The following ERAP1 variants were observed in gnomAD, a reference collection of about 807,000 sequenced individuals.
ERAP1 encodes the protein adipocyte-derived leucine aminopeptidase.
A neutral mutation model predicts 103.7 loss-of-function variants in ERAP1; 86 were observed. The ratio of observed to expected loss-of-function variants is 0.83; its 90% CI spans 0.70 to 0.99. ERAP1 has a LOEUF of 0.99. ERAP1 is among the 50% of genes least tolerant of loss of function. The probability of loss-of-function intolerance (pLI) is 0.00; values close to 1 mark genes in which losing one functional copy is unlikely to be tolerated. For synonymous variants in ERAP1, 398 were observed against 402.4 expected (o/e 0.99, Z 0.13); for missense variants, 1,009 against 1,128.4 (o/e 0.89, Z 1.52).
At chr5:96,807,014 T>G (rs1010646506) in intron 1 of ERAP1, among the ~76,000 whole-genome samples, 5 of 152,206 alleles carry the variant, frequency 3.3e-5, no homozygotes, top group African/African-American at 1.2e-4. Context: ...GACCACGTCC[T>G]GAGTTCAGAG....
In ERAP1 at chr5:96,776,101, T is replaced by G. The variant is rs112855255; in HGVS notation, c.*295A>C. 151,524 of 1,332,518 alleles carry G rather than the reference T, an allele frequency of 0.11. 9,453 individuals are homozygous for G. Among genetic ancestry groups the G allele is most frequent in the Non-Finnish European group, 0.13 (128,574 of 1,020,588 alleles). The allele number at this position is 1,332,518 out of a possible 1,614,324, so 82.5% of individuals were successfully genotyped here. On this transcript the variant is annotated 3_prime_UTR_variant, in exon 19 of 19. Transcript: ENST00000443439. ...TGGGGTACAGGGTTTTGGACACGGG[T>G]GCTTAAGCATAAACTATAAAATGAG...
chr5:96,851,366 C>T, the ERAP1 span, among the ~76,000 whole-genome samples: 1 of 152,082 alleles, frequency 6.6e-6, no homozygotes, highest in South Asian at 2.1e-4. Flanking sequence ...AAAGGATGAG[C>T]AGAGACATCA....
the ERAP1 span, among the ~76,000 whole-genome samples, chr5:96,897,855 G>A: frequency 6.6e-6 from 1 of 152,174 alleles, no homozygotes; most frequent in East Asian, 1.9e-4. Flanking sequence ...TGTGTCCCAG[G>A]GACAGTAATA....
chr5:96,775,298 C>G lies in ERAP1; in HGVS notation c.*1098G>C, dbSNP rs975657199. Reference sequence around the variant, plus strand: ...AAAGACTTCAAAGCCAAAGAATGTCCTATTTGCTAATATGAGCAAATATTT... The same window carrying G: ...AAAGACTTCAAAGCCAAAGAATGTCGTATTTGCTAATATGAGCAAATATTT... On this transcript the variant is annotated 3_prime_UTR_variant, in exon 19 of 19. Coordinates refer to ENST00000443439, the MANE Select transcript of ERAP1 (RefSeq NM_001040458.3). 32 of 985,212 alleles carry G rather than the reference C, an allele frequency of 3.2e-5. No homozygotes were observed. In the African/African-American group the frequency reaches 5.2e-4, roughly 16 times the overall value. The allele number at this position is 985,212 out of a possible 1,614,324, so 61.0% of individuals were successfully genotyped here. A position where few individuals can be genotyped will look rare whatever the true frequency, so the allele number is the denominator to read the frequency against.
At chr5:96,846,793 T>TA in the ERAP1 span, among the ~76,000 whole-genome samples, 21 of 150,932 alleles carry the variant, frequency 1.4e-4, no homozygotes, top group Admixed American at 3.3e-4. Flanking sequence ...GAAGCCATGG[T>TA]AAAAAAAATG....
At chr5:96,837,119 A>C in the ERAP1 span, among the ~76,000 whole-genome samples, 1 of 152,224 alleles carries the variant, frequency 6.6e-6, no homozygotes, top group African/African-American at 2.4e-5. Context: ...TCATCTTTTT[A>C]GTGTAGATAT....
chr5:96,836,412 G>C, the ERAP1 span, among the ~76,000 whole-genome samples: 1 of 152,008 alleles, frequency 6.6e-6, no homozygotes, highest in Admixed American at 6.5e-5. Context: ...ATGTTGGCCA[G>C]GCTGGTCTCG....
At chr5:96,837,439 G>A in the ERAP1 span, among the ~76,000 whole-genome samples, 1 of 152,198 alleles carries the variant, frequency 6.6e-6, no homozygotes, top group Non-Finnish European at 1.5e-5. Context: ...GAGTGCACGG[G>A]CGCTGGACCC....
At chr5:96,789,227 C>A (rs113365723) in intron 10 of ERAP1, among the ~76,000 whole-genome samples, 2,759 of 152,336 alleles carry the variant, frequency 0.018, 26 homozygotes, top group South Asian at 0.027. Flanking sequence ...TGGCTCATGC[C>A]TGTAATCCTA....
chr5:96,910,467 TA>T, the ERAP1 span, among the ~76,000 whole-genome samples: 1 of 150,954 alleles, frequency 6.6e-6, no homozygotes, highest in Non-Finnish European at 1.5e-5. Context: ...AAAAAAAACT[TA>T]AAAAAAAACC....
Position 96,781,127 on chromosome 5 carries a change from C to A in ERAP1, c.2519G>T (p.Gly840Val). ...CAGTGGGTATCCTACTGGGTTCCTG[C>A]CAATGAGTGTAAGAATTTGTGGAAA... The part of the protein sequence containing the change: ...QEFPQILTLI[G>V]RNPVGYPLAW... Residue 840 changes from glycine to valine, a missense_variant, in exon 17 of 19, where the codon GGC (glycine) becomes GTC (valine). By Grantham distance (109) the Gly-to-Val change is moderately radical. Transcript: ENST00000443439. 6.2e-7 allele frequency: 1 copy of A among 1,613,232 alleles called. No homozygotes were observed. Among genetic ancestry groups the A allele is most frequent in the Non-Finnish European group, 8.5e-7 (1 of 1,179,768 alleles).
the ERAP1 span, among the ~76,000 whole-genome samples, chr5:96,884,316 T>A: frequency 6.6e-6 from 1 of 152,172 alleles, no homozygotes; most frequent in Non-Finnish European, 1.5e-5. Context: ...CAGATTCTGA[T>A]TCAAGAAGAG....
the ERAP1 span, among the ~76,000 whole-genome samples, chr5:96,860,111 G>A: frequency 6.6e-6 from 1 of 152,048 alleles, no homozygotes; most frequent in Non-Finnish European, 1.5e-5. Flanking sequence ...GACCAGGCTG[G>A]AGCACAGTGG....
the ERAP1 span, among the ~76,000 whole-genome samples, chr5:96,822,083 G>T: frequency 1.3e-5 from 2 of 152,104 alleles, no homozygotes; most frequent in African/African-American, 2.4e-5. Context: ...GTTATCTCCC[G>T]CCATTCCTCT....
At chr5:96,923,824 AC>A in the ERAP1 span, among the ~76,000 whole-genome samples, 1 of 152,124 alleles carries the variant, frequency 6.6e-6, no homozygotes, top group African/African-American at 2.4e-5. Context: ...TTACATTGTA[AC>A]TCACTAGTCA....
chr5:96,910,981 T>C, the ERAP1 span, among the ~76,000 whole-genome samples: 1 of 152,202 alleles, frequency 6.6e-6, no homozygotes, highest in East Asian at 1.9e-4. Context: ...TTCAGCAAAA[T>C]ACACTAAAAT....
At chr5:96,921,984 A>G in the ERAP1 span, among the ~76,000 whole-genome samples, 2 of 152,256 alleles carry the variant, frequency 1.3e-5, no homozygotes, top group African/African-American at 4.8e-5. Context: ...TCTCAGTTTT[A>G]AAACTGTATT....
In ERAP1 at chr5:96,783,938, C is replaced by G; in HGVS notation, c.2086G>C (p.Glu696Gln). Reference sequence around the variant, plus strand: ...CAGGCTTTTACCTTGAATTGAGTTTCCACTTCATTCATATCTCTTTTCTCC... The same window carrying G: ...CAGGCTTTTACCTTGAATTGAGTTTGCACTTCATTCATATCTCTTTTCTCC... ...LMEKRDMNEV[E>Q]TQFKAFLIRL... The change falls in exon 14 of 19, where the codon GAA (glutamate) becomes CAA (glutamine). Residue 696 changes from glutamate (E) to glutamine (Q), a missense_variant. Transcript: ENST00000443439. 6.2e-7 allele frequency: 1 copy of G among 1,612,624 alleles called. No individual in the cohort carries two copies. Among genetic ancestry groups the G allele is most frequent in the Non-Finnish European group, 8.5e-7 (1 of 1,179,286 alleles).
chr5:96,916,221 AAAAAAAC>A, the ERAP1 span, among the ~76,000 whole-genome samples: 1 of 129,716 alleles, frequency 7.7e-6, no homozygotes, highest in Admixed American at 7.6e-5. Flanking sequence ...ACTCCATCTC[AAAAAAAC>A]AAAAAACAAA....
Sources: gnomAD v4.1 joint callset for allele counts (sites outside exome capture counted in the v4.1 genomes callset) on GRCh38, gnomAD v4.1.1 for gene constraint, MANE v1.5 for transcripts, NCBI Gene and HGNC (gene_info 2026-07-23, HGNC 2026-07-21) for gene names.